The following CNTNAP2 variants were observed in gnomAD, a reference collection of about 807,000 sequenced individuals.
CNTNAP2 encodes the protein contactin-associated protein-like 2.
In CNTNAP2, 98 loss-of-function variants were observed where a neutral mutation model predicts 155.2. The ratio of observed to expected loss-of-function variants is 0.63; its 90% CI spans 0.54 to 0.75. The LOEUF is 0.75. Among genes scored for constraint, CNTNAP2 ranks in the 30% least tolerant of loss-of-function variants. The pLI is 0.00. For missense variants in CNTNAP2, 1,727 were observed against 1,688.1 expected, an observed-to-expected ratio of 1.02 and a Z score of -0.40; for synonymous variants, 651 against 631.2, an observed-to-expected ratio of 1.03 and a Z score of -0.47.
intron 5 of CNTNAP2, among the ~76,000 whole-genome samples, chr7:147,117,099 C>A (rs1238900106): frequency 2.0e-5 from 3 of 152,146 alleles, no homozygotes; most frequent in African/African-American, 7.2e-5. Context: ...CAATGCCATT[C>A]GGCTCCCTGG....
intron 1 of CNTNAP2, among the ~76,000 whole-genome samples, chr7:146,415,243 C>A (rs1044306716): frequency 6.6e-6 from 1 of 152,134 alleles, no homozygotes; most frequent in Non-Finnish European, 1.5e-5. Context: ...CACATACACA[C>A]ACACATACAC....
chr7:147,293,052 G>A (rs1425234483), intron 8 of CNTNAP2, among the ~76,000 whole-genome samples: 1 of 152,096 alleles, frequency 6.6e-6, no homozygotes, highest in Non-Finnish European at 1.5e-5. Context: ...GCAGGCATAA[G>A]CCACCACACC....
At chr7:146,503,826 TG>T (rs1797341409) in intron 1 of CNTNAP2, among the ~76,000 whole-genome samples, 1 of 152,180 alleles carries the variant, frequency 6.6e-6, no homozygotes, top group Non-Finnish European at 1.5e-5. Context: ...TATGTTGTTT[TG>T]ATTACTGTCA....
At chr7:147,441,840 TCTCTCTCTCTCC>T (rs1454835461) in intron 10 of CNTNAP2, among the ~76,000 whole-genome samples, 23 of 142,000 alleles carry the variant, frequency 1.6e-4, no homozygotes, top group Non-Finnish European at 3.0e-4. Flanking sequence ...TCTCTCTCTC[TCTCTCTCTCTCC>T]CTCCCTCCCT....
intron 1 of CNTNAP2, among the ~76,000 whole-genome samples, chr7:146,759,632 A>T (rs1411320965): frequency 2.2e-5 from 3 of 135,812 alleles, no homozygotes; most frequent in African/African-American, 7.9e-5. Context: ...GAGTCAGAGG[A>T]GCTGAGATCA....
chr7:147,320,834 G>T (rs62482161), intron 9 of CNTNAP2, among the ~76,000 whole-genome samples: 1 of 152,096 alleles, frequency 6.6e-6, no homozygotes, highest in Non-Finnish European at 1.5e-5. Flanking sequence ...TCTGAGAAGG[G>T]CATTCTGCTT....
chr7:146,442,057 G>T (rs1423140372), intron 1 of CNTNAP2, among the ~76,000 whole-genome samples: 2 of 151,454 alleles, frequency 1.3e-5, no homozygotes, highest in South Asian at 4.1e-4. Context: ...TACTTTCTCT[G>T]TGTAATTTTC....
chr7:147,131,070 G>GTGTA (rs1801344589), intron 7 of CNTNAP2, among the ~76,000 whole-genome samples: 1 of 53,940 alleles, frequency 1.9e-5, no homozygotes, highest in Non-Finnish European at 3.9e-5. Flanking sequence ...ATATATGTGT[G>GTGTA]TATATATATG....
intron 12 of CNTNAP2, among the ~76,000 whole-genome samples, chr7:147,603,194 G>T (rs1172508346): frequency 6.6e-6 from 1 of 151,786 alleles, no homozygotes; most frequent in Non-Finnish European, 1.5e-5. Context: ...GGTGTGAGAT[G>T]GTATCTCACT....
intron 9 of CNTNAP2, among the ~76,000 whole-genome samples, chr7:147,380,485 A>G (rs1584913059): frequency 6.6e-6 from 1 of 152,132 alleles, no homozygotes; most frequent in South Asian, 2.1e-4. Context: ...AACAAACACC[A>G]TAACAACAAA....
chr7:147,510,753 A>G (rs1367443221), intron 11 of CNTNAP2, among the ~76,000 whole-genome samples: 1 of 150,322 alleles, frequency 6.7e-6, no homozygotes, highest in East Asian at 2.0e-4. Flanking sequence ...GTAGGTTAAT[A>G]TATGACAAAT....
At chr7:146,488,648 G>A (rs1199421748) in intron 1 of CNTNAP2, among the ~76,000 whole-genome samples, 1 of 152,038 alleles carries the variant, frequency 6.6e-6, no homozygotes, top group Non-Finnish European at 1.5e-5. Context: ...TTGTTTTTGA[G>A]ACAGGGTCTC....
intron 1 of CNTNAP2, among the ~76,000 whole-genome samples, chr7:146,761,365 A>C (rs1802096603): frequency 6.6e-6 from 1 of 152,144 alleles, no homozygotes; most frequent in Admixed American, 6.5e-5. Context: ...CTGAAAAGAG[A>C]GGGAAGCAGA....
intron 1 of CNTNAP2, among the ~76,000 whole-genome samples, chr7:146,196,981 A>AT (rs1238419767): frequency 1.3e-5 from 2 of 151,918 alleles, no homozygotes; most frequent in Admixed American, 6.6e-5. Flanking sequence ...TTTTGTACAA[A>AT]TTTTTTTCCC....
At chr7:147,824,852 C>T (rs376937580) in intron 13 of CNTNAP2, among the ~76,000 whole-genome samples, 65 of 152,022 alleles carry the variant, frequency 4.3e-4, no homozygotes, top group Middle Eastern at 3.4e-3. Flanking sequence ...ACACTAGAAA[C>T]AAAAGAAGTG....
At chr7:146,390,809 C>G (rs906449509) in intron 1 of CNTNAP2, among the ~76,000 whole-genome samples, 4 of 138,726 alleles carry the variant, frequency 2.9e-5, no homozygotes, top group Non-Finnish European at 6.1e-5. Flanking sequence ...TGGCTCGCGC[C>G]TGTAATCCCA....
intron 8 of CNTNAP2, 53 bp from the exon 9 acceptor site, chr7:147,300,088 T>G: frequency 1.0e-5 from 16 of 1,578,154 alleles, no homozygotes; most frequent in Middle Eastern, 1.7e-4. Context: ...TTGGAAATTG[T>G]GTTCAGCTGG....
intron 1 of CNTNAP2, among the ~76,000 whole-genome samples, chr7:146,631,676 T>G (rs529637272): frequency 1.3e-5 from 2 of 152,322 alleles, no homozygotes; most frequent in East Asian, 1.9e-4. Flanking sequence ...AAATTTTATG[T>G]GTGATAAAAT....
intron 13 of CNTNAP2, among the ~76,000 whole-genome samples, chr7:147,684,250 G>A (rs1197879035): frequency 6.6e-6 from 1 of 151,774 alleles, no homozygotes; most frequent in East Asian, 1.9e-4. Context: ...TTATCAGCGT[G>A]TGTGTTTTTA....
Sources: allele counts gnomAD v4.1 joint callset (sites outside exome capture counted in the v4.1 genomes callset), GRCh38; gene constraint gnomAD v4.1.1; transcripts MANE v1.5; gene names NCBI Gene and HGNC (gene_info 2026-07-23, HGNC 2026-07-21).